The following EYS variants were observed in gnomAD, a reference collection of about 807,000 sequenced individuals.
The protein encoded by EYS is protein eyes shut homolog.
In EYS, 250 loss-of-function variants were observed where a neutral mutation model predicts 282.1. The ratio of observed to expected loss-of-function variants is 0.89; its 90% confidence interval spans 0.80 to 0.98. The LOEUF is 0.98. EYS is among the 50% of genes least tolerant of loss of function. EYS has a pLI of 0.00. For synonymous variants in EYS, 1,355 were observed against 1,282.9 expected (o/e 1.06, Z -1.20); for missense variants, 4,016 against 3,709.0 (o/e 1.08, Z -2.15).
At chr6:65,581,623 T>C (rs1764874957) in intron 2 of EYS, among the ~76,000 whole-genome samples, 2 of 152,158 alleles carry the variant, frequency 1.3e-5, no homozygotes, top group Non-Finnish European at 2.9e-5. Context: ...AACTCTATGA[T>C]CTTAGTTCCT....
At chr6:63,859,532 G>A (rs1186733801) in intron 36 of EYS, among the ~76,000 whole-genome samples, 1 of 151,050 alleles carries the variant, frequency 6.6e-6, no homozygotes, top group African/African-American at 2.4e-5. Flanking sequence ...GAGAGCAAGA[G>A]ATAACGCATT....
chr6:64,344,244 G>T (rs927804632), intron 29 of EYS, among the ~76,000 whole-genome samples: 1 of 152,012 alleles, frequency 6.6e-6, no homozygotes, highest in African/African-American at 2.4e-5. Context: ...GCCTGGCAGA[G>T]ACACAACCAA....
At chr6:63,963,043 G>C (rs879299452) in intron 35 of EYS, among the ~76,000 whole-genome samples, 1 of 151,094 alleles carries the variant, frequency 6.6e-6, no homozygotes, top group South Asian at 2.1e-4. Flanking sequence ...TTCACTCATA[G>C]GTGGGAATTG....
chr6:65,020,778 T>C (rs1772228841), intron 13 of EYS, among the ~76,000 whole-genome samples: 1 of 152,190 alleles, frequency 6.6e-6, no homozygotes, highest in Non-Finnish European at 1.5e-5. Context: ...GACATCCAGA[T>C]GTTTCCATAC....
chr6:64,336,422 G>T (rs531389100), intron 29 of EYS, among the ~76,000 whole-genome samples: 16 of 152,132 alleles, frequency 1.1e-4, no homozygotes, highest in Admixed American at 3.9e-4. Context: ...ACAGGAAAAT[G>T]TCACAATCCT....
chr6:65,053,181 C>CTTTAAAAAGT (rs1293127625), intron 13 of EYS, among the ~76,000 whole-genome samples: 1 of 151,624 alleles, frequency 6.6e-6, no homozygotes, highest in Non-Finnish European at 1.5e-5. Context: ...CCAGTATGTG[C>CTTTAAAAAGT]TTTAAAAAGT....
At chr6:63,987,410 G>C (rs1767418300) in intron 34 of EYS, among the ~76,000 whole-genome samples, 1 of 151,730 alleles carries the variant, frequency 6.6e-6, no homozygotes, top group South Asian at 2.1e-4. Context: ...GCATTGACCA[G>C]AATGATGCTA....
chr6:63,728,077 C>A (rs78803086), intron 41 of EYS, among the ~76,000 whole-genome samples: 2,353 of 151,894 alleles, frequency 0.015, 49 homozygotes, highest in South Asian at 0.088. Flanking sequence ...ATGTGAGTGT[C>A]CTTTTGAAAC....
rs1582929542 is a variant in EYS at position 64,591,157 on chromosome 6, G to T, written c.4710C>A (p.Phe1570Leu). ...SMTEIKSSRE[F>L]SDQVLHSKQS... ...GTTTGCTATGCAAAACTTGATCTGA[G>T]AATTCACGAGAGGATTTTATTTCAG... Residue 1570 changes from phenylalanine to leucine, a missense_variant, in exon 26 of 43, where the codon TTC (phenylalanine) becomes TTA (leucine). Coordinates refer to ENST00000503581, the MANE Select transcript of EYS (RefSeq NM_001142800.2). 2 of 1,551,280 alleles carry T rather than the reference G, an allele frequency of 1.3e-6. No individual in the cohort carries two copies. The highest frequency in any genetic ancestry group is 1.7e-6 in the Non-Finnish European group (2 of 1,146,762).
At chr6:63,990,802 G>T (rs992248313) in intron 34 of EYS, among the ~76,000 whole-genome samples, 1 of 151,590 alleles carries the variant, frequency 6.6e-6, no homozygotes, top group Non-Finnish European at 1.5e-5. Flanking sequence ...AATATCTGGG[G>T]ACTGCTGAGA....
chr6:64,185,370 T>G (rs1764904005), intron 31 of EYS, among the ~76,000 whole-genome samples: 1 of 129,566 alleles, frequency 7.7e-6, no homozygotes, highest in African/African-American at 2.9e-5. Context: ...CTGTATTCAC[T>G]TGATTATTTT....
chr6:63,991,632 G>A (rs1025662550), intron 34 of EYS, among the ~76,000 whole-genome samples: 3 of 151,120 alleles, frequency 2.0e-5, no homozygotes, highest in South Asian at 2.1e-4. Flanking sequence ...ATTCAAAGAC[G>A]GATCACTTGG....
At chr6:65,632,243 TCTGGATG>T (rs1399294911) in intron 2 of EYS, among the ~76,000 whole-genome samples, 3 of 152,200 alleles carry the variant, frequency 2.0e-5, no homozygotes, top group African/African-American at 7.2e-5. Context: ...TATATTCTTA[TCTGGATG>T]CTTTATAGGT....
intron 37 of EYS, among the ~76,000 whole-genome samples, chr6:63,803,712 C>T (rs1439019191): frequency 6.6e-6 from 1 of 152,168 alleles, no homozygotes; most frequent in Non-Finnish European, 1.5e-5. Flanking sequence ...TTTATTCATT[C>T]ATTAAATACT....
chr6:65,261,358 A>T (rs1285688334), intron 12 of EYS, among the ~76,000 whole-genome samples: 1 of 151,996 alleles, frequency 6.6e-6, no homozygotes, highest in Non-Finnish European at 1.5e-5. Context: ...CCAAATATAT[A>T]CAAAGTGAGC....
intron 22 of EYS, among the ~76,000 whole-genome samples, chr6:64,762,133 T>C (rs1422888298): frequency 6.6e-6 from 1 of 152,152 alleles, no homozygotes; most frequent in Non-Finnish European, 1.5e-5. Flanking sequence ...ATTCCACAAT[T>C]TATACATGTA....
chr6:64,820,905 G>A (rs187126567), intron 21 of EYS, among the ~76,000 whole-genome samples: 17 of 152,048 alleles, frequency 1.1e-4, no homozygotes, highest in Admixed American at 9.9e-4. Flanking sequence ...TTACTGACGA[G>A]GGAGAGAGAC....
chr6:64,241,329 C>T (rs1766821121), intron 30 of EYS, among the ~76,000 whole-genome samples: 2 of 152,064 alleles, frequency 1.3e-5, no homozygotes, highest in African/African-American at 2.4e-5. Flanking sequence ...GTACCAGCAC[C>T]TCTTTATACC....
At chr6:64,213,074 C>T (rs1765828193) in intron 31 of EYS, among the ~76,000 whole-genome samples, 1 of 152,082 alleles carries the variant, frequency 6.6e-6, no homozygotes. Context: ...AAAACACACA[C>T]TGGGGCCTAT....
Sources: gnomAD v4.1 joint callset for allele counts (sites outside exome capture counted in the v4.1 genomes callset) on GRCh38, gnomAD v4.1.1 for gene constraint, MANE v1.5 for transcripts, NCBI Gene and HGNC (gene_info 2026-07-23, HGNC 2026-07-21) for gene names.